Variants in RABGAP1L observed in about 807,000 individuals in gnomAD.
RABGAP1L encodes the protein RAB GTPase activating protein 1 like, also known as rab GTPase-activating protein 1-like.
A neutral mutation model predicts 137.7 loss-of-function variants in RABGAP1L; 63 were observed. That is an observed-to-expected ratio of 0.46 (90% confidence interval 0.37 to 0.56). The LOEUF (loss-of-function observed/expected upper bound fraction) is 0.56. Among genes scored for constraint, RABGAP1L ranks in the 20% least tolerant of loss-of-function variants. The pLI, the probability that RABGAP1L is intolerant of heterozygous loss-of-function variation, is 0.00. For missense variants in RABGAP1L, 1,095 were observed against 1,244.0 expected, an observed-to-expected ratio of 0.88 and a Z score of 1.80; for synonymous variants, 431 against 433.7, an observed-to-expected ratio of 0.99 and a Z score of 0.08.
At chr1:174,219,001 A>G (rs1669549329) in intron 1 of RABGAP1L, 124 bp from the exon 2 acceptor site, 1 of 732,446 alleles carries the variant, frequency 1.4e-6, no homozygotes. Context: ...CTTTGAGATA[A>G]TTATCTAGCC....
intron 19 of RABGAP1L, among the ~76,000 whole-genome samples, chr1:174,921,363 G>A (rs1283491586): frequency 6.6e-6 from 1 of 151,984 alleles, no homozygotes; most frequent in Non-Finnish European, 1.5e-5. Flanking sequence ...CCTTCCCATT[G>A]CCCTCTCTCT....
chr1:174,933,878 T>A (rs1664279360), intron 19 of RABGAP1L, among the ~76,000 whole-genome samples: 1 of 152,132 alleles, frequency 6.6e-6, no homozygotes. Flanking sequence ...GGATCAAGAC[T>A]GGAATAATTA....
chr1:174,252,329 T>C (rs1672782789), intron 6 of RABGAP1L, 151 bp from the exon 7 acceptor site: 1 of 809,568 alleles, frequency 1.2e-6, no homozygotes, highest in Non-Finnish European at 1.8e-6. Flanking sequence ...AATTAATAGT[T>C]TGCTGCCTGT....
At chr1:174,988,495 T>C (rs1671797732) in intron 24 of RABGAP1L, 146 bp from the exon 25 acceptor site, 4 of 714,738 alleles carry the variant, frequency 5.6e-6, no homozygotes, top group Non-Finnish European at 6.2e-6. Flanking sequence ...ATGATTTTGA[T>C]TGCAGCACAA....
chr1:174,463,342 A>G (rs937382698), intron 13 of RABGAP1L, among the ~76,000 whole-genome samples: 15 of 152,264 alleles, frequency 9.9e-5, no homozygotes, highest in African/African-American at 2.6e-4. Context: ...ATAAAAAATG[A>G]TGAGTTCATG....
rs10556099 is a variant in RABGAP1L at position 174,981,550 on chromosome 1, C to CTTTTTTTTTTTTT, written c.2734-1265_2734-1253dup. Reference sequence around the variant, plus strand: ...AATTTCACATCCCCTGTTTTTCCATCTTTTTTTTTTTTTTTTTTTTTTTTT... The same window carrying CTTTTTTTTTTTTT: ...AATTTCACATCCCCTGTTTTTCCATCTTTTTTTTTTTTTTTTTTTTTTTTTTTTTTTTTTTTTT... On this transcript the variant is annotated intron_variant, in intron 23 of 25. Coordinates refer to ENST00000681986, the MANE Select transcript of RABGAP1L (RefSeq NM_001366446.1). Among the ~76,000 whole-genome samples the CTTTTTTTTTTTTT allele has an allele frequency of 2.6e-3, 176 of 66,428 alleles. 21 individuals carry two copies. Among genetic ancestry groups the CTTTTTTTTTTTTT allele is most frequent in the East Asian group, 6.1e-3 (9 of 1,486 alleles). The allele number at this position is 66,428 out of a possible 152,430, so 43.6% of individuals were successfully genotyped here.
In RABGAP1L at chr1:174,730,864, GA is replaced by G. The variant is rs879922940; in HGVS notation, c.2170-21441del. Among the ~76,000 whole-genome samples the G allele has an allele frequency of 3.4e-4, 51 of 152,072 alleles. 1 individual carries two copies. Among genetic ancestry groups the G allele is most frequent in the Middle Eastern group, 6.8e-3 (2 of 294 alleles). ...ACTAAAAAGTAAAAATTGTGGCCTA[GA>G]AAAAAAACTTAATGAGTAGAAAGTT... On this transcript the variant is annotated intron_variant, in intron 17 of 25. Coordinates refer to ENST00000681986, the MANE Select transcript of RABGAP1L (RefSeq NM_001366446.1).
chr1:174,724,104 G>C (rs1273594640), intron 17 of RABGAP1L, among the ~76,000 whole-genome samples: 15 of 152,110 alleles, frequency 9.9e-5, no homozygotes, highest in Admixed American at 9.8e-4. Context: ...AAGAGTAAAT[G>C]GTATACCACC....
At chr1:174,965,696 C>T (rs536798752) in intron 20 of RABGAP1L, among the ~76,000 whole-genome samples, 49 of 152,312 alleles carry the variant, frequency 3.2e-4, no homozygotes, top group African/African-American at 1.2e-3. Flanking sequence ...GATGATACTG[C>T]ATTTTTGGCC....
chr1:174,639,624 A>G (rs1468650890), intron 14 of RABGAP1L, among the ~76,000 whole-genome samples: 1 of 152,100 alleles, frequency 6.6e-6, no homozygotes, highest in East Asian at 1.9e-4. Context: ...GATACTAGAT[A>G]CTTTCTTCAC....
chr1:174,475,943 A>C (rs1013506244), intron 13 of RABGAP1L, among the ~76,000 whole-genome samples: 1 of 151,994 alleles, frequency 6.6e-6, no homozygotes, highest in Non-Finnish European at 1.5e-5. Flanking sequence ...ACCAGTATAT[A>C]ACATTATAAC....
chr1:174,533,872 A>G (rs532254566), intron 13 of RABGAP1L, among the ~76,000 whole-genome samples: 1 of 152,170 alleles, frequency 6.6e-6, no homozygotes, highest in Non-Finnish European at 1.5e-5. Flanking sequence ...AGGTTTCATT[A>G]TGGTGGCCAG....
At chr1:174,919,099 A>G (rs1422309603) in intron 19 of RABGAP1L, among the ~76,000 whole-genome samples, 1 of 151,084 alleles carries the variant, frequency 6.6e-6, no homozygotes, top group East Asian at 2.0e-4. Flanking sequence ...GCTCACTGCA[A>G]CCTCCGCCTC....
At chr1:174,397,377 G>A (rs570586738) in intron 13 of RABGAP1L, among the ~76,000 whole-genome samples, 2 of 152,144 alleles carry the variant, frequency 1.3e-5, no homozygotes, top group Non-Finnish European at 2.9e-5. Context: ...CTGCCTCTGG[G>A]CATTTCATTC....
At chr1:174,319,885 ACTTT>A in intron 11 of RABGAP1L, among the ~76,000 whole-genome samples, 1 of 151,882 alleles carries the variant, frequency 6.6e-6, no homozygotes, top group South Asian at 2.1e-4. Context: ...AGCACTCTTT[ACTTT>A]CTCGTGCCTT....
intron 13 of RABGAP1L, among the ~76,000 whole-genome samples, chr1:174,478,518 C>G (rs1658750034): frequency 1.3e-5 from 2 of 152,090 alleles, no homozygotes; most frequent in African/African-American, 4.8e-5. Flanking sequence ...CTCAACTGAT[C>G]CTCTGGCTTG....
intron 18 of RABGAP1L, among the ~76,000 whole-genome samples, chr1:174,776,246 T>C (rs1573136038): frequency 6.6e-6 from 1 of 151,998 alleles, no homozygotes; most frequent in African/African-American, 2.4e-5. Context: ...TGGTGGCAGG[T>C]GCCTGTAATC....
At chr1:174,171,122 A>G (rs778675570) in intron 1 of RABGAP1L, among the ~76,000 whole-genome samples, 1 of 152,214 alleles carries the variant, frequency 6.6e-6, no homozygotes, top group African/African-American at 2.4e-5. Flanking sequence ...TCTTTCTGCA[A>G]TGAGGAGTAT....
At position 174,838,705 on chromosome 1, in the gene RABGAP1L, G is replaced by A. The variant is rs527547986; in HGVS notation, c.2340+26745G>A. Among the ~76,000 whole-genome samples the A allele has an allele frequency of 1.5e-4, 23 of 151,712 alleles. No individual in the cohort carries two copies. In the South Asian group the frequency reaches 4.4e-3, roughly 29 times the overall value. ...AGCACTTTGGGAGGCCGAGGCGGGCGGATCACGAGGTCAGGGGATCGAGAC... is the reference window on the plus strand; with the variant it reads ...AGCACTTTGGGAGGCCGAGGCGGGCAGATCACGAGGTCAGGGGATCGAGAC... On this transcript the variant is annotated intron_variant, in intron 19 of 25. Coordinates refer to ENST00000681986, the MANE Select transcript of RABGAP1L (RefSeq NM_001366446.1).
Sources: allele counts gnomAD v4.1 joint callset (sites outside exome capture counted in the v4.1 genomes callset), GRCh38; gene constraint gnomAD v4.1.1; transcripts MANE v1.5; gene names NCBI Gene and HGNC (gene_info 2026-07-23, HGNC 2026-07-21).